CD8B: variants seen among roughly 807,000 people sequenced by gnomAD.
The protein encoded by CD8B is T-cell surface glycoprotein CD8 beta chain.
Under a neutral mutation model 24.2 loss-of-function variants are expected in CD8B, and 6 were observed. That is an observed-to-expected ratio of 0.25 (90% CI 0.14 to 0.49). CD8B has a LOEUF of 0.49. CD8B is among the 20% of genes least tolerant of loss of function. The pLI is 0.98. For missense variants in CD8B, 196 were observed against 271.3 expected (o/e 0.72, Z 1.95); for synonymous variants, 84 against 108.3 (o/e 0.78, Z 1.39).
chr2:86,831,562 T>G (rs1674906374), intron 5 of CD8B, among the ~76,000 whole-genome samples: 1 of 152,240 alleles, frequency 6.6e-6, no homozygotes, highest in South Asian at 2.1e-4. Context: ...AATGTTTTCC[T>G]TCTGATTCTA....
chr2:86,816,820 A>G lies in CD8B; in HGVS notation c.621-1102T>C, dbSNP rs554547702. Among the ~76,000 whole-genome samples, 5 of 152,388 alleles carry G rather than the reference A, an allele frequency of 3.3e-5. No individual in the cohort carries two copies. In the South Asian group the frequency reaches 6.2e-4, roughly 19 times the overall value. ...AGGCACAGAATTTCTTGGTCAAAAT[A>G]TAAAAGGACAAGCCATAAAAGTGTG... On this transcript the variant is annotated intron_variant, in intron 5 of 5. Transcript: ENST00000331469.
chr2:86,839,983 T>A lies in CD8B; in HGVS notation c.*2324A>T, dbSNP rs1452048845. 6.6e-6 allele frequency among the ~76,000 whole-genome samples: 1 copy of A among 152,200 alleles called. No individual in the cohort carries two copies. The highest frequency in any genetic ancestry group is 2.4e-5 in the African/African-American group (1 of 41,442). ...GCCTTGGAAGGCAGCCTGTCCCTTG[T>A]CCTCAGAGCTGATGGGCAGAGCTTT... On this transcript the variant is annotated 3_prime_UTR_variant, in exon 6 of 6. Transcript: ENST00000390655.
At chr2:86,859,326 G>A (rs184064130) in intron 1 of CD8B, among the ~76,000 whole-genome samples, 5 of 152,170 alleles carry the variant, frequency 3.3e-5, no homozygotes, top group South Asian at 2.1e-4. Flanking sequence ...AGAAGCACCC[G>A]GCAAGCAGGG....
At position 86,858,205 on chromosome 2, in the gene CD8B, C is replaced by T. The variant is rs1211917687; in HGVS notation, c.255G>A (p.Val85=). ...GAAACACAGCTATCTTCTCCTGTTCCACCTCTTCACCGTGGATAGTCCCTT... is the reference window on the plus strand; with the variant it reads ...GAAACACAGCTATCTTCTCCTGTTCTACCTCTTCACCGTGGATAGTCCCTT... ...SAKGTIHGEE[V]EQEKIAVFRD... Residue 85 remains valine, a synonymous_variant, in exon 2 of 6, where the codon GTG becomes GTA. Coordinates refer to ENST00000390655, the MANE Select transcript of CD8B (RefSeq NM_004931.5). The T allele has an allele frequency of 1.2e-6, 2 of 1,614,048 alleles. No individual in the cohort carries two copies. The highest frequency in any genetic ancestry group is 1.7e-6 in the Non-Finnish European group (2 of 1,179,886).
At chr2:86,823,816 G>C (rs1674573931) in intron 5 of CD8B, among the ~76,000 whole-genome samples, 1 of 152,148 alleles carries the variant, frequency 6.6e-6, no homozygotes, top group Non-Finnish European at 1.5e-5. Context: ...GAATGACGGA[G>C]AGTGAGAAGT....
chr2:86,858,189 C>G lies in CD8B; in HGVS notation c.271G>C (p.Ala91Pro). The G allele has an allele frequency of 6.2e-7, 1 of 1,614,056 alleles. No homozygotes were observed. The part of the protein sequence containing the change: ...HGEEVEQEKI[A>P]VFRDASRFIL... Reference sequence around the variant, plus strand: ...AACCGGCTTGCATCCCGAAACACAGCTATCTTCTCCTGTTCCACCTCTTCA... The same window carrying G: ...AACCGGCTTGCATCCCGAAACACAGGTATCTTCTCCTGTTCCACCTCTTCA... Residue 91 changes from alanine to proline, a missense_variant, in exon 2 of 6, where the codon GCT becomes CCT. By Grantham distance (27) the Ala-to-Pro change is conservative. Transcript: ENST00000390655.
rs1007899506 is a variant in CD8B at position 86,842,395 on chromosome 2, G to T, written c.621-76C>A. On this transcript the variant is annotated intron_variant, in intron 5 of 5. Transcript: ENST00000390655. ...TGAATTTCCTGTAACAGAGACAAAT[G>T]GCAAATGAGAATGCAGAGTTCTACT... The T allele has an allele frequency of 6.3e-6, 10 of 1,588,222 alleles. No individual in the cohort carries two copies. The African/African-American group carries it at 1.1e-4, about 17-fold the overall frequency.
At chr2:86,837,819 G>T (rs1675241202), downstream of CD8B, among the ~76,000 whole-genome samples, 1 of 151,950 alleles carries the variant, frequency 6.6e-6, no homozygotes. Flanking sequence ...GGGAACACCA[G>T]TGCTGCTCCC....
At chr2:86,835,126 G>A (rs565612458), downstream of CD8B, among the ~76,000 whole-genome samples, 1,113 of 152,210 alleles carry the variant, frequency 7.3e-3, 9 homozygotes, top group South Asian at 0.032. Context: ...TCTGATGGAG[G>A]AAGATGGAAC....
downstream of CD8B, among the ~76,000 whole-genome samples, chr2:86,833,571 T>C (rs1429375430): frequency 1.3e-5 from 1 of 79,390 alleles, no homozygotes; most frequent in Non-Finnish European, 2.8e-5. Flanking sequence ...CCCCTCTCTC[T>C]CCCTCCCTTT....
chr2:86,822,277 A>G, intron 5 of CD8B: 1 of 1,123,548 alleles, frequency 8.9e-7, no homozygotes, highest in Non-Finnish European at 1.3e-6. Flanking sequence ...AAGAGTCATG[A>G]TGACCTCAGA....
rs944430809 is a variant in CD8B, at chr2:86,838,346, G to A, written c.*3961C>T. On this transcript the variant is annotated 3_prime_UTR_variant, in exon 6 of 6. Coordinates refer to ENST00000390655, the MANE Select transcript of CD8B (RefSeq NM_004931.5). The stretch of plus-strand genomic sequence containing the variant: ...ACATATACAAACAAATATACCCGGA[G>A]GCCTTGATTTATTATTAGAGAAAAA... Among the ~76,000 whole-genome samples, 5 of 151,922 alleles carry A rather than the reference G, an allele frequency of 3.3e-5. No individual in the cohort carries two copies. The highest frequency in any genetic ancestry group is 9.7e-5 in the African/African-American group (4 of 41,342).
At chr2:86,851,916 A>G (rs561322690) in intron 3 of CD8B, among the ~76,000 whole-genome samples, 41 of 152,354 alleles carry the variant, frequency 2.7e-4, no homozygotes, top group African/African-American at 9.1e-4. Context: ...GCAAACAAAC[A>G]TGTATTCATG....
intron 1 of CD8B, among the ~76,000 whole-genome samples, chr2:86,861,112 C>T (rs1676562653): frequency 6.6e-6 from 1 of 152,220 alleles, no homozygotes; most frequent in Admixed American, 6.5e-5. Context: ...GGCAAGATGA[C>T]CAGCTTTGGG....
At chr2:86,832,154 T>TA (rs976056703) in intron 5 of CD8B, among the ~76,000 whole-genome samples, 3 of 151,972 alleles carry the variant, frequency 2.0e-5, no homozygotes, top group African/African-American at 7.3e-5. Context: ...GAGGAGAAAA[T>TA]AAATTACCTT....
chr2:86,830,650 G>A (rs1674872840), intron 5 of CD8B, among the ~76,000 whole-genome samples: 1 of 151,806 alleles, frequency 6.6e-6, no homozygotes, highest in Non-Finnish European at 1.5e-5. Context: ...AAGTGAAATT[G>A]CTGGTTCAAA....
downstream of CD8B, among the ~76,000 whole-genome samples, chr2:86,833,560 T>G: frequency 1.0e-5 from 1 of 98,758 alleles, no homozygotes; most frequent in African/African-American, 3.7e-5. Flanking sequence ...TCTCCTCCCC[T>G]CCCCTCTCTC....
At chr2:86,849,472 G>A (rs1482804540) in intron 3 of CD8B, among the ~76,000 whole-genome samples, 1 of 151,746 alleles carries the variant, frequency 6.6e-6, no homozygotes, top group East Asian at 1.9e-4. Flanking sequence ...TCTATGAGAT[G>A]CCCTGGGGAG....
downstream of CD8B, among the ~76,000 whole-genome samples, chr2:86,836,840 G>A (rs1395483780): frequency 2.6e-5 from 4 of 152,088 alleles, no homozygotes; most frequent in Non-Finnish European, 4.4e-5. Flanking sequence ...GGGGACAGGA[G>A]TGGAAATGGT....
Sources: gnomAD v4.1 joint callset for allele counts (sites outside exome capture counted in the v4.1 genomes callset) on GRCh38, gnomAD v4.1.1 for gene constraint, MANE v1.5 for transcripts, NCBI Gene and HGNC (gene_info 2026-07-23, HGNC 2026-07-21) for gene names.